Variants in NAV2 observed in about 807,000 individuals in gnomAD.
NAV2 encodes helicase, APC down-regulated 1.
Under a neutral mutation model 223.2 loss-of-function variants are expected in NAV2, and 54 were observed. The observed-to-expected ratio is 0.24, with a 90% CI of 0.19 to 0.30. The LOEUF is 0.30. NAV2 is among the 10% of genes least tolerant of loss of function. NAV2 has a pLI of 1.00. For synonymous variants in NAV2, 1,279 were observed against 1,239.3 expected, an observed-to-expected ratio of 1.03 and a Z score of -0.67; for missense variants, 2,806 against 3,147.5, an observed-to-expected ratio of 0.89 and a Z score of 2.60.
chr11:19,544,098 C>T (rs997707101), intron 1 of NAV2, among the ~76,000 whole-genome samples: 1 of 152,154 alleles, frequency 6.6e-6, no homozygotes, highest in East Asian at 1.9e-4. Flanking sequence ...GTGCCTGGCA[C>T]ATAGTAAGTG....
At chr11:19,530,019 C>G (rs749077873) in intron 1 of NAV2, among the ~76,000 whole-genome samples, 8 of 152,246 alleles carry the variant, frequency 5.3e-5, no homozygotes, top group African/African-American at 1.9e-4. Flanking sequence ...TCTCCCTTCC[C>G]CCAGTGGAAA....
At chr11:20,043,248 A>G (rs1276871369) in intron 12 of NAV2, among the ~76,000 whole-genome samples, 1 of 151,992 alleles carries the variant, frequency 6.6e-6, no homozygotes, top group Non-Finnish European at 1.5e-5. Flanking sequence ...GGCAGAACAA[A>G]GGGAAACGGG....
chr11:19,692,372 T>A (rs1356713092), intron 1 of NAV2, among the ~76,000 whole-genome samples: 1 of 152,240 alleles, frequency 6.6e-6, no homozygotes, highest in Admixed American at 6.5e-5. Context: ...AAATGTATGT[T>A]TTTGCTTGCT....
chr11:20,061,198 G>T (rs1161013444), intron 19 of NAV2, among the ~76,000 whole-genome samples: 1 of 152,086 alleles, frequency 6.6e-6, no homozygotes, highest in South Asian at 2.1e-4. Context: ...AGAAAATAAA[G>T]AACCTTCTTC....
intron 1 of NAV2, among the ~76,000 whole-genome samples, chr11:19,597,389 A>G (rs1276019236): frequency 6.6e-6 from 1 of 152,180 alleles, no homozygotes; most frequent in Non-Finnish European, 1.5e-5. Flanking sequence ...AGAAACCTCC[A>G]TGTGTTCCTG....
intron 35 of NAV2, among the ~76,000 whole-genome samples, chr11:20,106,183 GTATATATATATATATA>G (rs1182631250): frequency 0.016 from 399 of 25,516 alleles, 40 homozygotes; most frequent in African/African-American, 0.034. Context: ...ATATGTGTGT[GTATATATATATATATA>G]TATATATATA....
chr11:19,446,454 T>C (rs7124931), intron 1 of NAV2, among the ~76,000 whole-genome samples: 99,253 of 152,026 alleles, frequency 0.65, 32,723 homozygotes, highest in East Asian at 0.83. Context: ...CAGAGGTTGT[T>C]TGGGTTTAAA....
intron 19 of NAV2, among the ~76,000 whole-genome samples, chr11:20,059,764 A>G (rs760167461): frequency 5.3e-5 from 8 of 152,180 alleles, no homozygotes; most frequent in South Asian, 2.1e-4. Flanking sequence ...GATATTCTCT[A>G]TGGTTCCTTG....
intron 3 of NAV2, among the ~76,000 whole-genome samples, chr11:19,860,169 G>T (rs1233652394): frequency 1.2e-4 from 17 of 143,610 alleles, no homozygotes; most frequent in African/African-American, 2.6e-4. Context: ...CAGGCGGGGG[G>T]CTGACCCCCC....
At chr11:19,593,188 T>A (rs1302636359) in intron 1 of NAV2, among the ~76,000 whole-genome samples, 8 of 152,090 alleles carry the variant, frequency 5.3e-5, no homozygotes, top group Admixed American at 4.6e-4. Context: ...ACCATTAGTA[T>A]GTTTTCTATC....
intron 1 of NAV2, among the ~76,000 whole-genome samples, chr11:19,720,471 C>G (rs966977749): frequency 6.6e-6 from 1 of 152,174 alleles, no homozygotes; most frequent in African/African-American, 2.4e-5. Flanking sequence ...TTTGCCTCTT[C>G]TTCCAAGTGA....
intron 1 of NAV2, among the ~76,000 whole-genome samples, chr11:19,693,723 C>A (rs538514140): frequency 1.3e-4 from 20 of 152,322 alleles, no homozygotes; most frequent in Admixed American, 3.9e-4. Context: ...CTGTCCCAGT[C>A]TCAGCCTAGT....
chr11:19,861,498 T>C (rs1182994778), intron 3 of NAV2, among the ~76,000 whole-genome samples: 1 of 152,204 alleles, frequency 6.6e-6, no homozygotes, highest in Non-Finnish European at 1.5e-5. Context: ...TGGGCACATA[T>C]TAAACATCAC....
At chr11:19,517,728 G>T (rs113695825) in intron 1 of NAV2, among the ~76,000 whole-genome samples, 2 of 152,216 alleles carry the variant, frequency 1.3e-5, no homozygotes, top group African/African-American at 2.4e-5. Flanking sequence ...CTCAGTCAGG[G>T]TTCTGTGGTT....
intron 1 of NAV2, among the ~76,000 whole-genome samples, chr11:19,568,460 T>G (rs1450391116): frequency 1.3e-5 from 2 of 152,156 alleles, no homozygotes; most frequent in Non-Finnish European, 2.9e-5. Context: ...TGGAGCCCAG[T>G]TCTGGATTGT....
chr11:20,023,029 T>G lies in NAV2; in HGVS notation c.2769-12930T>G, dbSNP rs2054646051. On this transcript the variant is annotated intron_variant, in intron 11 of 37. Transcript: ENST00000349880. ...CTGGCCCAGTGTGGGCTGGCTCAGC[T>G]GGCTAAAGGACTTGCCATCCTGTGA... The G allele has an allele frequency of 2.6e-6, 4 of 1,543,894 alleles. No homozygotes were observed. The South Asian group carries it at 4.8e-5, about 18-fold the overall frequency.
chr11:19,993,947 A>C (rs2051599830), intron 11 of NAV2, among the ~76,000 whole-genome samples: 2 of 152,192 alleles, frequency 1.3e-5, no homozygotes, highest in African/African-American at 2.4e-5. Context: ...TGTACTCAAG[A>C]AGCTTACGAT....
Position 19,661,824 on chromosome 11 carries a change from C to T in NAV2, c.76-170660C>T, listed in dbSNP as rs1215337755. ...AACGAGAATCTATAGTTAGGTGGGA[C>T]ATTTATCTCATATAATAAGGAAACT... On this transcript the variant is annotated intron_variant, in intron 1 of 37. Coordinates refer to the NAV2 transcript ENST00000360655. Among the ~76,000 whole-genome samples the T allele has an allele frequency of 2.0e-5, 3 of 152,112 alleles. No individual in the cohort carries two copies. In the East Asian group the frequency reaches 5.8e-4, roughly 29 times the overall value.
At chr11:20,104,203 T>C (rs1320171338) in intron 34 of NAV2, 1 of 177,992 alleles carries the variant, frequency 5.6e-6, no homozygotes, top group African/African-American at 2.4e-5. Flanking sequence ...CCAGCTTGTC[T>C]TCCCTGCCCC....
Sources: gnomAD v4.1 joint callset for allele counts (sites outside exome capture counted in the v4.1 genomes callset) on GRCh38, gnomAD v4.1.1 for gene constraint, MANE v1.5 for transcripts, NCBI Gene and HGNC (gene_info 2026-07-23, HGNC 2026-07-21) for gene names.